CNBD1: variants seen among roughly 807,000 people sequenced by gnomAD.
CNBD1 encodes the protein cyclic nucleotide binding domain containing 1, also known as cyclic nucleotide-binding domain-containing protein 1.
A neutral mutation model predicts 54.4 loss-of-function variants in CNBD1; 71 were observed. The ratio of observed to expected loss-of-function variants is 1.30; its 90% CI spans 1.08 to 1.59. The LOEUF (loss-of-function observed/expected upper bound fraction) is 1.59. CNBD1 is among the 40% of genes most tolerant of loss of function. The pLI is 0.00. For missense variants in CNBD1, 659 were observed against 518.0 expected (o/e 1.27, Z -2.64); for synonymous variants, 182 against 170.7 (o/e 1.07, Z -0.51).
At chr8:87,119,054 G>C (rs1027496455) in intron 4 of CNBD1, among the ~76,000 whole-genome samples, 1 of 152,034 alleles carries the variant, frequency 6.6e-6, no homozygotes, top group African/African-American at 2.4e-5. Flanking sequence ...GCCAAGTACT[G>C]TCAAATGTAT....
chr8:86,917,394 A>G (rs901342051), intron 3 of CNBD1, among the ~76,000 whole-genome samples: 7 of 152,218 alleles, frequency 4.6e-5, no homozygotes, highest in African/African-American at 1.7e-4. Flanking sequence ...TGGGCTCAAC[A>G]GAACATTCAA....
chr8:86,877,217 C>T (rs1439570077), intron 1 of CNBD1, among the ~76,000 whole-genome samples: 1 of 151,994 alleles, frequency 6.6e-6, no homozygotes, highest in East Asian at 1.9e-4. Context: ...ATATATATTA[C>T]ATTTTCTCCT....
chr8:87,219,684 T>C (rs1814285821), intron 5 of CNBD1, among the ~76,000 whole-genome samples: 1 of 152,060 alleles, frequency 6.6e-6, no homozygotes, highest in Admixed American at 6.6e-5. Flanking sequence ...CTGAAATTCG[T>C]AATTAAATAA....
At chr8:87,414,240 G>T (rs558269237) in intron 2 of CNBD1, among the ~76,000 whole-genome samples, 40 of 152,158 alleles carry the variant, frequency 2.6e-4, no homozygotes, top group Non-Finnish European at 7.4e-5. Flanking sequence ...GATGAAACTG[G>T]AAATCATCAT....
chr8:87,200,355 G>A (rs961886724), intron 4 of CNBD1, among the ~76,000 whole-genome samples: 6 of 151,938 alleles, frequency 3.9e-5, no homozygotes, highest in East Asian at 3.9e-4. Flanking sequence ...AGCAGCAAGA[G>A]AAAATAACTC....
intron 4 of CNBD1, 166 bp downstream of exon 4, chr8:86,939,920 C>T (rs1181808460): frequency 8.6e-6 from 4 of 464,396 alleles, no homozygotes; most frequent in African/African-American, 2.0e-5. Flanking sequence ...TATATAAATA[C>T]AGTCTTCATG....
intron 1 of CNBD1, among the ~76,000 whole-genome samples, chr8:86,879,934 G>A (rs1033780099): frequency 5.9e-5 from 9 of 152,046 alleles, no homozygotes; most frequent in African/African-American, 1.9e-4. Flanking sequence ...GGTGTTCAAT[G>A]AGGTCACAGA....
chr8:86,977,683 A>C (rs1016898455), intron 4 of CNBD1, among the ~76,000 whole-genome samples: 2 of 152,160 alleles, frequency 1.3e-5, no homozygotes, highest in Non-Finnish European at 2.9e-5. Context: ...TGAAGACTGA[A>C]TCATGAATAA....
chr8:87,152,012 C>T (rs940592918), intron 4 of CNBD1, among the ~76,000 whole-genome samples: 20 of 151,618 alleles, frequency 1.3e-4, no homozygotes, highest in African/African-American at 4.4e-4. Flanking sequence ...TATTTAAAAC[C>T]TCAAAAATGA....
intron 2 of CNBD1, among the ~76,000 whole-genome samples, chr8:87,426,810 G>T (rs969584524): frequency 6.6e-6 from 1 of 152,140 alleles, no homozygotes; most frequent in Non-Finnish European, 1.5e-5. Context: ...AATTTCATTT[G>T]TGTATCCCAT....
At chr8:86,936,994 C>T (rs1809561153) in intron 3 of CNBD1, among the ~76,000 whole-genome samples, 1 of 152,160 alleles carries the variant, frequency 6.6e-6, no homozygotes, top group African/African-American at 2.4e-5. Context: ...ATATTGCCTA[C>T]TCACATGGTG....
chr8:86,956,933 T>G (rs536012981), intron 4 of CNBD1, among the ~76,000 whole-genome samples: 3 of 152,290 alleles, frequency 2.0e-5, no homozygotes, highest in South Asian at 2.1e-4. Context: ...TGCTTCCAGT[T>G]TTTGCCCATT....
At chr8:87,355,091 G>C (rs377508193) in intron 10 of CNBD1, among the ~76,000 whole-genome samples, 2 of 152,166 alleles carry the variant, frequency 1.3e-5, no homozygotes, top group African/African-American at 4.8e-5. Flanking sequence ...TTTTAAAAGA[G>C]TAGAGATATT....
intron 4 of CNBD1, among the ~76,000 whole-genome samples, chr8:87,135,184 G>A (rs1270881121): frequency 6.6e-6 from 1 of 151,846 alleles, no homozygotes; most frequent in Non-Finnish European, 1.5e-5. Context: ...ACAGTAAAAG[G>A]TACATAGTGA....
At chr8:86,887,727 C>A (rs2131787480) in intron 2 of CNBD1, 116 bp downstream of exon 2, 1 of 695,866 alleles carries the variant, frequency 1.4e-6, no homozygotes, top group Non-Finnish European at 2.4e-6. Flanking sequence ...TGATTTATCA[C>A]ACAGATAAAA....
At chr8:86,870,055 C>T (rs1053184179) in intron 1 of CNBD1, among the ~76,000 whole-genome samples, 1 of 151,416 alleles carries the variant, frequency 6.6e-6, no homozygotes, top group African/African-American at 2.4e-5. Context: ...TGTGCTTTTC[C>T]AGTTCCAAAA....
intron 4 of CNBD1, among the ~76,000 whole-genome samples, chr8:87,108,727 AG>A (rs1471059558): frequency 6.6e-6 from 1 of 152,182 alleles, no homozygotes; most frequent in African/African-American, 2.4e-5. Context: ...TGGAATTTTC[AG>A]GTTACTTACC....
At chr8:87,141,417 A>G (rs544720537) in intron 4 of CNBD1, among the ~76,000 whole-genome samples, 1 of 152,288 alleles carries the variant, frequency 6.6e-6, no homozygotes, top group South Asian at 2.1e-4. Context: ...ACAGAATATT[A>G]TAAAAGGTTA....
At chr8:87,188,281 C>T (rs1813522185) in intron 4 of CNBD1, among the ~76,000 whole-genome samples, 1 of 152,164 alleles carries the variant, frequency 6.6e-6, no homozygotes, top group South Asian at 2.1e-4. Flanking sequence ...TTTTATATCT[C>T]TTTCACATGC....
Sources: gnomAD v4.1 joint callset for allele counts (sites outside exome capture counted in the v4.1 genomes callset) on GRCh38, gnomAD v4.1.1 for gene constraint, MANE v1.5 for transcripts, NCBI Gene and HGNC (gene_info 2026-07-23, HGNC 2026-07-21) for gene names.